WDR4: variants seen among roughly 807,000 people sequenced by gnomAD.
WDR4 encodes the protein tRNA (guanine-N(7)-)-methyltransferase non-catalytic subunit WDR4.
A neutral mutation model predicts 48.6 loss-of-function variants in WDR4; 47 were observed. That is an observed-to-expected ratio of 0.97 (90% confidence interval 0.77 to 1.23). The LOEUF (loss-of-function observed/expected upper bound fraction) is 1.23. Ranked by LOEUF, WDR4 falls within the 50% of genes most tolerant of loss-of-function variation. The probability of loss-of-function intolerance (pLI) is 0.00; values close to 1 mark genes in which losing one functional copy is unlikely to be tolerated. For missense variants in WDR4, 606 were observed against 551.6 expected (o/e 1.10, Z -0.99); for synonymous variants, 268 against 230.0 (o/e 1.17, Z -1.49).
At chr21:42,885,223 C>CTTTT in the WDR4 span, among the ~76,000 whole-genome samples, 1 of 152,290 alleles carries the variant, frequency 6.6e-6, no homozygotes, top group East Asian at 1.9e-4. Flanking sequence ...AGTCTTCACC[C>CTTTT]TTTTTTCCTC....
At chr21:42,874,191 A>G (rs959255533) in intron 2 of WDR4, among the ~76,000 whole-genome samples, 1 of 152,168 alleles carries the variant, frequency 6.6e-6, no homozygotes, top group Non-Finnish European at 1.5e-5. Flanking sequence ...TACTTTTATA[A>G]TTTCTTATGC....
At chr21:42,852,580 T>A (rs2057862613) in intron 9 of WDR4, among the ~76,000 whole-genome samples, 1 of 152,230 alleles carries the variant, frequency 6.6e-6, no homozygotes, top group Non-Finnish European at 1.5e-5. Context: ...GGGGACATCA[T>A]GTGGCCTGCC....
At chr21:42,866,154 C>T (rs752454756) in intron 3 of WDR4, among the ~76,000 whole-genome samples, 1 of 152,154 alleles carries the variant, frequency 6.6e-6, no homozygotes, top group South Asian at 2.1e-4. Context: ...ATGTATCACT[C>T]GTCACCCTGT....
intron 3 of WDR4, among the ~76,000 whole-genome samples, chr21:42,872,932 C>A (rs373094499): frequency 6.6e-6 from 1 of 151,984 alleles, no homozygotes; most frequent in East Asian, 1.9e-4. Flanking sequence ...AGCAAAACTC[C>A]GTCTCAAAAA....
downstream of WDR4, among the ~76,000 whole-genome samples, chr21:42,844,961 C>G (rs369568076): frequency 1.4e-4 from 22 of 152,328 alleles, 1 homozygote; most frequent in South Asian, 2.1e-3. Context: ...CCAGCTCCTT[C>G]CAGTGACAGA....
chr21:42,848,229 G>T (rs554829725), downstream of WDR4, among the ~76,000 whole-genome samples: 13 of 152,160 alleles, frequency 8.5e-5, no homozygotes, highest in African/African-American at 3.1e-4. Context: ...GGTAGGAGCC[G>T]GCCTGAACGA....
Position 42,873,644 on chromosome 21 carries a change from G to A in WDR4, c.203C>T (p.Thr68Ile), listed in dbSNP as rs772450931. The A allele has an allele frequency of 1.2e-6, 2 of 1,614,088 alleles. No homozygotes were observed. The highest frequency in any genetic ancestry group is 1.7e-6 in the Non-Finnish European group (2 of 1,180,038). Residue 68 changes from threonine (T) to isoleucine (I), a missense_variant, in exon 3 of 11, where the codon ACC (threonine) becomes ATC (isoleucine). By Grantham distance (89) the Thr-to-Ile change is moderately conservative. Coordinates refer to ENST00000398208, the MANE Select transcript of WDR4 (RefSeq NM_018669.6). ...DQGSGAILASTFSKSGSYFAL... is the reference protein window; with the variant it reads ...DQGSGAILASIFSKSGSYFAL... ...AAAATAGCTGCCAGACTTGGAGAAG[G>A]TGGACGCCAGAATCGCACCGCTCCC...
At chr21:42,891,935 C>T in the WDR4 span, among the ~76,000 whole-genome samples, 1 of 149,688 alleles carries the variant, frequency 6.7e-6, no homozygotes, top group Admixed American at 6.7e-5. Flanking sequence ...CCAGCCTGGG[C>T]AACAGAGCAA....
chr21:42,877,746 G>A (rs2058528990), intron 1 of WDR4, among the ~76,000 whole-genome samples: 1 of 152,040 alleles, frequency 6.6e-6, no homozygotes, highest in Non-Finnish European at 1.5e-5. Flanking sequence ...TATGCGACAT[G>A]GTTATAAGAA....
Position 42,862,327 on chromosome 21 carries a change from G to T in WDR4, c.521C>A (p.Ala174Asp). 1.2e-6 allele frequency: 2 copies of T among 1,611,846 alleles called. No individual in the cohort carries two copies. The highest frequency in any genetic ancestry group is 1.3e-5 in the African/African-American group (1 of 75,000). Residue 174 changes from alanine (A) to aspartate (D), a missense_variant, in exon 5 of 11, where the codon GCC becomes GAC. By Grantham distance (126) the Ala-to-Asp change is moderately radical. Coordinates refer to ENST00000398208, the MANE Select transcript of WDR4 (RefSeq NM_018669.6). The surrounding 1 kb of genome is among the most constrained non-coding windows in gnomAD (Gnocchi z 4.3). ...GGACTCGATGCTATGGGGCGCCGCG[G>T]CCCAGCTGACTCGGATCTTCTCGTC... The part of the protein sequence containing the change: ...DRDEKIRVSW[A>D]AAPHSIESFC...
the WDR4 span, among the ~76,000 whole-genome samples, chr21:42,889,335 GT>G: frequency 2.0e-5 from 3 of 152,116 alleles, no homozygotes; most frequent in East Asian, 5.8e-4. Context: ...AAGTATATGT[GT>G]TTTTTAACTT....
At chr21:42,850,811 G>A (rs1369921557) in intron 10 of WDR4, among the ~76,000 whole-genome samples, 1 of 152,228 alleles carries the variant, frequency 6.6e-6, no homozygotes, top group African/African-American at 2.4e-5. Flanking sequence ...CCGCCACAGG[G>A]AATGGACACG....
chr21:42,873,408 G>T, intron 3 of WDR4, 143 bp downstream of exon 3: 1 of 1,206,536 alleles, frequency 8.3e-7, no homozygotes, highest in Non-Finnish European at 1.2e-6. Flanking sequence ...ATGTGGCACT[G>T]AAAGTGGTGT....
intron 2 of WDR4, among the ~76,000 whole-genome samples, chr21:42,875,123 GGGGTGAATTTTGCCCAATATCT>G (rs1276394192): frequency 6.6e-6 from 1 of 152,122 alleles, no homozygotes; most frequent in East Asian, 1.9e-4. Context: ...TGAAATATCG[GGGGTGAATTTTGCCCAATATCT>G]GGCTGAATTT....
At chr21:42,861,659 T>C (rs917841759) in intron 5 of WDR4, among the ~76,000 whole-genome samples, 4 of 152,210 alleles carry the variant, frequency 2.6e-5, no homozygotes, top group South Asian at 2.1e-4. Context: ...CAGGAAATGT[T>C]TGGATCAAAA....
chr21:42,845,503 G>A (rs142318387), downstream of WDR4, among the ~76,000 whole-genome samples: 6 of 152,254 alleles, frequency 3.9e-5, no homozygotes, highest in East Asian at 9.7e-4. Flanking sequence ...GTGAGCTTGC[G>A]GCACATTTCC....
At chr21:42,872,351 T>C (rs1288526179) in intron 3 of WDR4, among the ~76,000 whole-genome samples, 1 of 152,084 alleles carries the variant, frequency 6.6e-6, no homozygotes, top group Non-Finnish European at 1.5e-5. Context: ...GGGTCATGCC[T>C]GTAATCCCAG....
In WDR4 at chr21:42,872,713, T is replaced by A. The variant is rs1184732419; in HGVS notation, c.296+838A>T. On this transcript the variant is annotated intron_variant, in intron 3 of 10. Transcript: ENST00000398208. ...AGTTTGGGAGGCCGAGGCCAGCGGATCACCTGAGGTCAGGAGTTCAAGAGC... is the reference window on the plus strand; with the variant it reads ...AGTTTGGGAGGCCGAGGCCAGCGGAACACCTGAGGTCAGGAGTTCAAGAGC... Among the ~76,000 whole-genome samples the A allele has an allele frequency of 5.3e-5, 8 of 151,422 alleles. No individual in the cohort carries two copies. The East Asian group carries it at 1.4e-3, about 26-fold the overall frequency.
intron 3 of WDR4, 101 bp downstream of exon 3, chr21:42,873,450 C>T: frequency 1.3e-6 from 2 of 1,518,446 alleles, no homozygotes; most frequent in Non-Finnish European, 1.8e-6. Context: ...GTGTCAACCA[C>T]TTATCACCCT....
Sources: gnomAD v4.1 joint callset for allele counts (sites outside exome capture counted in the v4.1 genomes callset) on GRCh38, gnomAD v4.1.1 for gene constraint, Gnocchi (gnomAD v3.1) non-coding constraint, MANE v1.5 for transcripts, NCBI Gene and HGNC (gene_info 2026-07-23, HGNC 2026-07-21) for gene names.